Variants in PDE1C observed in about 807,000 individuals in gnomAD.
PDE1C encodes phosphodiesterase 1C.
Under a neutral mutation model 93.1 loss-of-function variants are expected in PDE1C, and 62 were observed. The observed-to-expected ratio is 0.67, with a 90% CI of 0.54 to 0.82. The LOEUF is 0.82. Among genes scored for constraint, PDE1C ranks in the 40% least tolerant of loss-of-function variants. The pLI is 0.00. For synonymous variants in PDE1C, 325 were observed against 310.1 expected (o/e 1.05, Z -0.50); for missense variants, 742 against 884.6 (o/e 0.84, Z 2.04).
At chr7:32,084,824 A>G (rs1176502578) in intron 3 of PDE1C, among the ~76,000 whole-genome samples, 1 of 139,970 alleles carries the variant, frequency 7.1e-6, no homozygotes, top group Non-Finnish European at 1.6e-5. Context: ...GACACAACAT[A>G]CCAGAATCTC....
intron 2 of PDE1C, among the ~76,000 whole-genome samples, chr7:32,200,271 C>T (rs144236333): frequency 6.6e-6 from 1 of 152,202 alleles, no homozygotes; most frequent in South Asian, 2.1e-4. Context: ...CTTGTTTTCT[C>T]CATGAGAATA....
rs112918964 is a variant in PDE1C, at chr7:31,959,527, T to C, written c.129-78667A>G. On this transcript the variant is annotated intron_variant, in intron 2 of 17. Transcript: ENST00000396191. ...CTGCATCAGTCCTAATTTTGGTCAATTGGATGCTAACAATAATTATAAAGA... is the reference window on the plus strand; with the variant it reads ...CTGCATCAGTCCTAATTTTGGTCAACTGGATGCTAACAATAATTATAAAGA... Among the ~76,000 whole-genome samples the C allele has an allele frequency of 2.3e-4, 35 of 152,196 alleles. No homozygotes were observed. The Middle Eastern group carries it at 0.01, about 44-fold the overall frequency.
At chr7:32,380,383 G>A (rs746296006) in intron 1 of PDE1C, among the ~76,000 whole-genome samples, 12 of 149,354 alleles carry the variant, frequency 8.0e-5, no homozygotes, top group East Asian at 6.0e-4. Context: ...GACTATAGGC[G>A]CATGCCACCA....
chr7:32,340,845 G>C (rs948120909), intron 1 of PDE1C, among the ~76,000 whole-genome samples: 1 of 152,142 alleles, frequency 6.6e-6, no homozygotes, highest in Middle Eastern at 3.2e-3. Context: ...GGGTGGAAAC[G>C]GGAGAAGAAG....
chr7:31,831,009 T>C (rs922297919), intron 11 of PDE1C, among the ~76,000 whole-genome samples: 1 of 152,184 alleles, frequency 6.6e-6, no homozygotes, highest in Non-Finnish European at 1.5e-5. Context: ...AAGGGCTCCA[T>C]CTGTATTGGA....
chr7:32,320,993 C>T (rs555798688), intron 1 of PDE1C, among the ~76,000 whole-genome samples: 1 of 152,262 alleles, frequency 6.6e-6, no homozygotes, highest in East Asian at 1.9e-4. Context: ...TGATTCAGGC[C>T]ACCAATTTTG....
intron 16 of PDE1C, among the ~76,000 whole-genome samples, chr7:31,775,950 G>A (rs1226090306): frequency 6.6e-6 from 1 of 152,176 alleles, no homozygotes; most frequent in African/African-American, 2.4e-5. Flanking sequence ...TCCTCTGGCT[G>A]GAAGGTTGAT....
chr7:32,153,888 C>T (rs1016923262), intron 3 of PDE1C, among the ~76,000 whole-genome samples: 11 of 152,054 alleles, frequency 7.2e-5, no homozygotes, highest in African/African-American at 2.7e-4. Flanking sequence ...TCTCTCTTTC[C>T]CCCCACAACA....
In PDE1C at chr7:31,816,052, C is replaced by T. The variant is rs1452514019; in HGVS notation, c.1685G>A (p.Gly562Asp). Residue 562 changes from glycine (G) to aspartate (D), a missense_variant, in exon 15 of 18, where the codon GGC becomes GAC. Physicochemically the swap from Gly to Asp is moderately conservative, Grantham distance 94. Coordinates refer to ENST00000396191, the MANE Select transcript of PDE1C (RefSeq NM_001191057.4). ...AKSQAEEGAS[G>D]KAEKKTSGET... The stretch of plus-strand genomic sequence containing the variant: ...TCCAGACGTCTTTTTCTCAGCTTTG[C>T]CAGATGCGCCTTCTTCAGCCTGGCT... The T allele has an allele frequency of 6.2e-7, 1 of 1,613,920 alleles. No homozygotes were observed. Among genetic ancestry groups the T allele is most frequent in the Non-Finnish European group, 8.5e-7 (1 of 1,179,948 alleles).
At chr7:32,341,361 G>A (rs567574004) in intron 1 of PDE1C, among the ~76,000 whole-genome samples, 2 of 149,460 alleles carry the variant, frequency 1.3e-5, no homozygotes, top group African/African-American at 5.0e-5. Context: ...ATTTTTAGTA[G>A]AGACGGGGTT....
chr7:31,665,771 A>G, the PDE1C span, among the ~76,000 whole-genome samples: 2 of 152,142 alleles, frequency 1.3e-5, no homozygotes, highest in Non-Finnish European at 2.9e-5. Context: ...CCCTCAGGGA[A>G]ACTTCTAAAA....
chr7:31,784,855 A>G (rs932735675), intron 16 of PDE1C: 1 of 152,188 alleles, frequency 6.6e-6, no homozygotes, highest in African/African-American at 2.4e-5. Context: ...CAGTTATTGG[A>G]CAATACCTAT....
At chr7:32,127,067 A>G (rs1452317296) in intron 3 of PDE1C, among the ~76,000 whole-genome samples, 1 of 152,188 alleles carries the variant, frequency 6.6e-6, no homozygotes, top group Non-Finnish European at 1.5e-5. Context: ...TGCACAGAAC[A>G]AAAAAGGCTG....
Position 32,280,772 on chromosome 7 carries a change from G to A in PDE1C, c.85+17879C>T, listed in dbSNP as rs193242719. Among the ~76,000 whole-genome samples, 546 of 152,280 alleles carry A rather than the reference G, an allele frequency of 3.6e-3. 2 individuals carry two copies. Among genetic ancestry groups the A allele is most frequent in the African/African-American group, 0.012 (507 of 41,554 alleles). On this transcript the variant is annotated intron_variant, in intron 1 of 18. Coordinates refer to the PDE1C transcript ENST00000396193. Reference sequence around the variant, plus strand: ...GGAAGCTGAGGCGGGAGGATTGCTCGAGGCCAGGAACTCGAGACCAGCCTG... The same window carrying A: ...GGAAGCTGAGGCGGGAGGATTGCTCAAGGCCAGGAACTCGAGACCAGCCTG...
intron 1 of PDE1C, among the ~76,000 whole-genome samples, chr7:32,397,265 A>T (rs1191297752): frequency 6.6e-6 from 1 of 152,228 alleles, no homozygotes; most frequent in Admixed American, 6.5e-5. Flanking sequence ...AGAGGGACTA[A>T]TGCCAGAAAC....
chr7:32,091,332 T>C (rs891131181), intron 3 of PDE1C, among the ~76,000 whole-genome samples: 1 of 152,128 alleles, frequency 6.6e-6, no homozygotes, highest in Non-Finnish European at 1.5e-5. Context: ...ATAAAAGACA[T>C]GAACATAATA....
intron 16 of PDE1C, among the ~76,000 whole-genome samples, chr7:31,802,595 G>A (rs1015516130): frequency 2.0e-5 from 3 of 151,440 alleles, no homozygotes; most frequent in African/African-American, 4.8e-5. Flanking sequence ...TGCATGGTGC[G>A]TCTACTGGTG....
intron 3 of PDE1C, among the ~76,000 whole-genome samples, chr7:32,140,199 A>C (rs1800436531): frequency 6.6e-6 from 1 of 152,198 alleles, no homozygotes; most frequent in Non-Finnish European, 1.5e-5. Flanking sequence ...CAACCAAAGC[A>C]AATTTCAAAC....
intron 1 of PDE1C, among the ~76,000 whole-genome samples, chr7:32,249,621 A>G (rs575870212): frequency 1.2e-4 from 18 of 152,332 alleles, no homozygotes; most frequent in South Asian, 1.0e-3. Flanking sequence ...ATTTTTGTCA[A>G]TTCTTCTTTG....
Sources: allele counts gnomAD v4.1 joint callset (sites outside exome capture counted in the v4.1 genomes callset), GRCh38; gene constraint gnomAD v4.1.1; transcripts MANE v1.5; gene names NCBI Gene and HGNC (gene_info 2026-07-23, HGNC 2026-07-21).